The following KCNIP1 variants were observed in gnomAD, a reference collection of about 807,000 sequenced individuals.
The protein encoded by KCNIP1 is A-type potassium channel modulatory protein KCNIP1.
A neutral mutation model predicts 33.0 loss-of-function variants in KCNIP1; 18 were observed. The observed-to-expected ratio is 0.55, with a 90% confidence interval of 0.38 to 0.81. The LOEUF (loss-of-function observed/expected upper bound fraction) is 0.81. Ranked by LOEUF, KCNIP1 falls within the 30% of genes least tolerant of loss-of-function variation. The pLI is 0.00. For missense variants in KCNIP1, 238 were observed against 271.6 expected, an observed-to-expected ratio of 0.88 and a Z score of 0.87; for synonymous variants, 93 against 98.3, an observed-to-expected ratio of 0.95 and a Z score of 0.32.
intron 1 of KCNIP1, chr5:170,376,883 A>G (rs1764025364): frequency 6.6e-6 from 1 of 152,264 alleles, no homozygotes; most frequent in South Asian, 2.1e-4. Context: ...AAGTTAAGAA[A>G]AAAACACACA....
chr5:170,466,728 C>T lies in KCNIP1; in HGVS notation c.88+112764C>T, dbSNP rs370853554. Reference sequence around the variant, plus strand: ...ATGTTCTCACATGGTAGAGGATGTACGGAAGCTCTCTGCGACTTCATTTAT... The same window carrying T: ...ATGTTCTCACATGGTAGAGGATGTATGGAAGCTCTCTGCGACTTCATTTAT... On this transcript the variant is annotated intron_variant, in intron 1 of 7. Coordinates refer to the KCNIP1 transcript ENST00000377360. Among the ~76,000 whole-genome samples, 4 of 152,224 alleles carry T rather than the reference C, an allele frequency of 2.6e-5. No individual in the cohort carries two copies. In the East Asian group the frequency reaches 7.7e-4, roughly 29 times the overall value.
intron 1 of KCNIP1, among the ~76,000 whole-genome samples, chr5:170,705,233 G>C (rs13173208): frequency 0.16 from 23,993 of 152,142 alleles, 2,238 homozygotes; most frequent in African/African-American, 0.26. Flanking sequence ...GTCTGCCAAG[G>C]CTTCATTTAT....
upstream of KCNIP1, among the ~76,000 whole-genome samples, chr5:170,499,631 G>A (rs1757374261): frequency 6.6e-6 from 1 of 152,202 alleles, no homozygotes; most frequent in East Asian, 1.9e-4. Context: ...AGGAACTACT[G>A]TTGTCCATAA....
chr5:170,665,476 C>A (rs11744365), intron 1 of KCNIP1, among the ~76,000 whole-genome samples: 31,813 of 152,032 alleles, frequency 0.21, 4,176 homozygotes, highest in East Asian at 0.53. Flanking sequence ...AAAACAAACT[C>A]TTCATTTTAG....
chr5:170,455,262 C>T (rs1166625607), intron 1 of KCNIP1, among the ~76,000 whole-genome samples: 1 of 150,242 alleles, frequency 6.7e-6, no homozygotes, highest in Non-Finnish European at 1.5e-5. Flanking sequence ...CAACAGAAGT[C>T]TTCCTCCTCC....
intron 1 of KCNIP1, among the ~76,000 whole-genome samples, chr5:170,583,711 G>A (rs1029683302): frequency 4.6e-5 from 7 of 152,148 alleles, no homozygotes; most frequent in Non-Finnish European, 1.0e-4. Context: ...ACCCACCCCC[G>A]AGGCAATGAA....
At chr5:170,607,218 A>G (rs1312957611) in intron 1 of KCNIP1, among the ~76,000 whole-genome samples, 1 of 152,148 alleles carries the variant, frequency 6.6e-6, no homozygotes, top group East Asian at 1.9e-4. Context: ...TGTCACTTTC[A>G]GCTCGTTATT....
chr5:170,574,910 C>T (rs570294346), intron 1 of KCNIP1, among the ~76,000 whole-genome samples: 3 of 152,336 alleles, frequency 2.0e-5, no homozygotes, highest in East Asian at 1.9e-4. Flanking sequence ...CAGACAGTGG[C>T]TCTGCCAGGG....
chr5:170,722,844 G>C (rs756432560), intron 5 of KCNIP1, 24 bp downstream of exon 5: 1 of 1,460,312 alleles, frequency 6.8e-7, no homozygotes, highest in South Asian at 1.1e-5. Flanking sequence ...GGCCAGGGGT[G>C]TGAGAGGGCT....
rs575407719 is a variant in KCNIP1 at position 170,560,464 on chromosome 5, G to A, written c.61+55831G>A. Reference sequence around the variant, plus strand: ...TCTGTGACCTTGAGCCTCTCACCTCGTGACCTTGGGCATCTCATGTTCTCT... The same window carrying A: ...TCTGTGACCTTGAGCCTCTCACCTCATGACCTTGGGCATCTCATGTTCTCT... On this transcript the variant is annotated intron_variant, in intron 1 of 7. Coordinates refer to ENST00000328939, the MANE Select transcript of KCNIP1 (RefSeq NM_014592.4). Among the ~76,000 whole-genome samples, 5 of 152,094 alleles carry A rather than the reference G, an allele frequency of 3.3e-5. No homozygotes were observed. In the South Asian group the frequency reaches 6.2e-4, roughly 19 times the overall value.
At chr5:170,444,945 C>T (rs1225959271) in intron 1 of KCNIP1, among the ~76,000 whole-genome samples, 1 of 152,214 alleles carries the variant, frequency 6.6e-6, no homozygotes, top group African/African-American at 2.4e-5. Flanking sequence ...CGGTGGGAAG[C>T]ACTAATCCTC....
At chr5:170,477,841 G>A (rs1342917060) in intron 1 of KCNIP1, among the ~76,000 whole-genome samples, 1 of 152,122 alleles carries the variant, frequency 6.6e-6, no homozygotes, top group African/African-American at 2.4e-5. Flanking sequence ...TGCTGTACAG[G>A]CCACTGGATA....
At chr5:170,539,358 C>T (rs186241500) in intron 1 of KCNIP1, among the ~76,000 whole-genome samples, 18 of 152,318 alleles carry the variant, frequency 1.2e-4, no homozygotes, top group African/African-American at 3.1e-4. Flanking sequence ...TTCAAGGCCG[C>T]ACCTGCTCTG....
intron 1 of KCNIP1, among the ~76,000 whole-genome samples, chr5:170,452,216 G>A (rs553167257): frequency 6.6e-6 from 1 of 152,198 alleles, no homozygotes; most frequent in Admixed American, 6.5e-5. Flanking sequence ...TGGGTAATGG[G>A]CTGAATCACC....
intron 2 of KCNIP1, 32 bp downstream of exon 2, chr5:170,718,914 G>A (rs768679350): frequency 6.3e-7 from 1 of 1,595,334 alleles, no homozygotes; most frequent in Non-Finnish European, 8.5e-7. Context: ...AAGGCCTGGG[G>A]GGGGTTCCCA....
intron 1 of KCNIP1, among the ~76,000 whole-genome samples, chr5:170,486,933 G>A (rs1223620932): frequency 6.6e-6 from 1 of 152,142 alleles, no homozygotes. Flanking sequence ...CTAAGTTGAA[G>A]TATAATTCAT....
intron 1 of KCNIP1, among the ~76,000 whole-genome samples, chr5:170,660,842 G>T (rs1231052808): frequency 6.6e-6 from 1 of 152,242 alleles, no homozygotes; most frequent in Non-Finnish European, 1.5e-5. Context: ...GTCCTGGACA[G>T]GAGCCAGCGT....
At chr5:170,544,354 T>TTTAACATGTACTATTACATG (rs1209759544) in intron 1 of KCNIP1, among the ~76,000 whole-genome samples, 3 of 152,274 alleles carry the variant, frequency 2.0e-5, no homozygotes, top group African/African-American at 4.8e-5. Flanking sequence ...CCCTTGATAT[T>TTTAACATGTACTATTACATG]TTAACATGTA....
chr5:170,629,530 T>A (rs1419373474), intron 1 of KCNIP1, among the ~76,000 whole-genome samples: 1 of 152,288 alleles, frequency 6.6e-6, no homozygotes, highest in East Asian at 1.9e-4. Flanking sequence ...CTAGCTGGGA[T>A]GCCTGGGTCC....
Sources: allele counts gnomAD v4.1 joint callset (sites outside exome capture counted in the v4.1 genomes callset), GRCh38; gene constraint gnomAD v4.1.1; transcripts MANE v1.5; gene names NCBI Gene and HGNC (gene_info 2026-07-23, HGNC 2026-07-21).